Variants in OR3A2 observed in about 807,000 individuals in gnomAD.
The protein encoded by OR3A2 is olfactory receptor 3A2.
For missense variants in OR3A2, 318 were observed against 392.8 expected (o/e 0.81, Z 1.61); for synonymous variants, 126 against 159.3 (o/e 0.79, Z 1.57).
chr17:3,311,358 C>A lies in OR3A2; in HGVS notation c.-85+24675G>T, dbSNP rs765593019. On this transcript the variant is annotated intron_variant, in intron 3 of 4. Transcript: ENST00000573491. This position sits in a 1 kb window ranked among gnomAD's most constrained non-coding sequence, Gnocchi z 4.6. ...ACCTCTTAATAGCCATGGCCTATGA[C>A]CGCTACCTGGCTATCTGTCAGCTTC... 1 of 530,380 alleles carries A rather than the reference C, an allele frequency of 1.9e-6. No individual in the cohort carries two copies. The highest frequency in any genetic ancestry group is 5.5e-5 in the East Asian group (1 of 18,204). 32.9% of individuals were successfully genotyped at this position (530,380 alleles called of 1,614,324 possible).
At chr17:3,296,726 C>T (rs372827351) in intron 3 of OR3A2, among the ~76,000 whole-genome samples, 1 of 151,766 alleles carries the variant, frequency 6.6e-6, no homozygotes, top group Non-Finnish European at 1.5e-5. Flanking sequence ...AAAACTTGCT[C>T]GAGAAAAGTT....
At chr17:3,369,917 C>T (rs1195017214) in intron 2 of OR3A2, among the ~76,000 whole-genome samples, 1 of 151,944 alleles carries the variant, frequency 6.6e-6, no homozygotes, top group Non-Finnish European at 1.5e-5. Flanking sequence ...TATCCTCCCA[C>T]CTTAGCCTCC....
intron 2 of OR3A2, among the ~76,000 whole-genome samples, chr17:3,361,674 C>G (rs1199028299): frequency 6.6e-6 from 1 of 151,674 alleles, no homozygotes; most frequent in African/African-American, 2.4e-5. Flanking sequence ...TTGAGATAAT[C>G]ATGTGGTTTT....
At chr17:3,291,765 T>C (rs1268881843) in intron 3 of OR3A2, 1 of 1,613,752 alleles carries the variant, frequency 6.2e-7, no homozygotes, top group South Asian at 1.1e-5. Flanking sequence ...AGCTTTATCC[T>C]TGTCTGAAAG....
intron 2 of OR3A2, among the ~76,000 whole-genome samples, chr17:3,381,150 G>A (rs1056281107): frequency 1.3e-5 from 2 of 151,880 alleles, no homozygotes; most frequent in Non-Finnish European, 1.5e-5. Flanking sequence ...GTGGGTGTGC[G>A]TGTCTCTGGC....
intron 3 of OR3A2, among the ~76,000 whole-genome samples, chr17:3,307,617 G>A (rs2049008414): frequency 6.6e-6 from 1 of 152,196 alleles, no homozygotes. Flanking sequence ...TGGTGTTGGA[G>A]GCATGAGACT....
At chr17:3,316,939 T>A (rs943228966) in intron 3 of OR3A2, among the ~76,000 whole-genome samples, 14 of 152,226 alleles carry the variant, frequency 9.2e-5, no homozygotes, top group African/African-American at 3.1e-4. Flanking sequence ...AAGTTTTGAT[T>A]CTTTATCTAC....
intron 2 of OR3A2, among the ~76,000 whole-genome samples, chr17:3,343,027 G>T (rs758668816): frequency 6.6e-6 from 1 of 152,238 alleles, no homozygotes; most frequent in African/African-American, 2.4e-5. Flanking sequence ...TGCGCTAGCA[G>T]TGAGCAAGGC....
exon 2 of OR3A2, chr17:3,277,479 T>C: frequency 6.4e-6 from 1 of 157,308 alleles, no homozygotes; most frequent in Admixed American, 6.0e-5. Context: ...TCACTTAGGC[T>C]GTGATTGACC....
intron 1 of OR3A2, chr17:3,383,934 T>C (rs2049758338): frequency 1.4e-5 from 2 of 146,738 alleles, no homozygotes; most frequent in Non-Finnish European, 1.5e-5. Context: ...ATAAATATTG[T>C]ATACAAATAT....
intron 2 of OR3A2, among the ~76,000 whole-genome samples, chr17:3,358,847 C>T (rs1377646748): frequency 6.6e-6 from 1 of 151,568 alleles, no homozygotes; most frequent in Admixed American, 6.6e-5. Context: ...TAATTTTCTG[C>T]CTTGATGATC....
chr17:3,291,915 T>C (rs1450706238), intron 3 of OR3A2: 1 of 1,614,160 alleles, frequency 6.2e-7, no homozygotes, highest in South Asian at 1.1e-5. Flanking sequence ...AGCTGCCACG[T>C]GGATATAGGA....
intron 3 of OR3A2, among the ~76,000 whole-genome samples, chr17:3,326,380 T>G (rs1328249359): frequency 6.6e-6 from 1 of 152,040 alleles, no homozygotes; most frequent in South Asian, 2.1e-4. Flanking sequence ...GCAATACCAT[T>G]CAGAACATAG....
chr17:3,339,906 C>A (rs2049303006), intron 2 of OR3A2, among the ~76,000 whole-genome samples: 2 of 152,170 alleles, frequency 1.3e-5, no homozygotes, highest in South Asian at 4.2e-4. Flanking sequence ...TGGTCCTGGA[C>A]TTTTTTTGGT....
At position 3,370,219 on chromosome 17, in the gene OR3A2, T is replaced by C. The variant is rs138970618; in HGVS notation, c.-179+13585A>G. 3.8e-3 allele frequency among the ~76,000 whole-genome samples: 578 copies of C among 152,352 alleles called. 5 individuals are homozygous for C. Among genetic ancestry groups the C allele is most frequent in the African/African-American group, 0.013 (551 of 41,574 alleles). On this transcript the variant is annotated intron_variant, in intron 2 of 4. Coordinates refer to the OR3A2 transcript ENST00000573491. Reference sequence around the variant, plus strand: ...TCAATCTTGCTACTTGTTCTTGGTCTGTTCAGTTTCTATTTCTTCCTGGTT... The same window carrying C: ...TCAATCTTGCTACTTGTTCTTGGTCCGTTCAGTTTCTATTTCTTCCTGGTT...
chr17:3,351,842 T>C (rs888925322), intron 2 of OR3A2, among the ~76,000 whole-genome samples: 72 of 152,054 alleles, frequency 4.7e-4, no homozygotes, highest in Non-Finnish European at 8.1e-4. Flanking sequence ...GAGATATAGA[T>C]CAATGGAACA....
At chr17:3,298,592 T>C (rs1159302498) in intron 3 of OR3A2, among the ~76,000 whole-genome samples, 1 of 152,218 alleles carries the variant, frequency 6.6e-6, no homozygotes, top group African/African-American at 2.4e-5. Context: ...TCACTTGATA[T>C]GTTATCTCGA....
At chr17:3,291,024 C>T (rs2048860593) in intron 3 of OR3A2, 1 of 152,182 alleles carries the variant, frequency 6.6e-6, no homozygotes, top group Non-Finnish European at 1.5e-5. Context: ...GTGAGCTGCA[C>T]ACAGGTATCA....
At position 3,329,674 on chromosome 17, in the gene OR3A2, G is replaced by A. The variant is rs1359348173; in HGVS notation, c.-85+6359C>T. ...TTTCAAAAAACCAGCTCCTGGATTC[G>A]TTAATTTTTTGAAGGGTTTTTTGTG... On this transcript the variant is annotated intron_variant, in intron 3 of 4. Transcript: ENST00000573491. Among the ~76,000 whole-genome samples the A allele has an allele frequency of 5.0e-5, 7 of 138,964 alleles. No individual in the cohort carries two copies. In the East Asian group the frequency reaches 1.4e-3, roughly 28 times the overall value. The allele number at this position is 138,964 out of a possible 152,430, so 91.2% of individuals were successfully genotyped here.
Sources: gnomAD v4.1 joint callset for allele counts (sites outside exome capture counted in the v4.1 genomes callset) on GRCh38, gnomAD v4.1.1 for gene constraint, Gnocchi (gnomAD v3.1) non-coding constraint, MANE v1.5 for transcripts, NCBI Gene and HGNC (gene_info 2026-07-23, HGNC 2026-07-21) for gene names.